VEPH1: variants seen among roughly 807,000 people sequenced by gnomAD.
VEPH1 encodes ventricular zone-expressed PH domain-containing protein homolog 1.
VEPH1 carries 80 observed loss-of-function variants against 85.2 expected under a neutral mutation model. That is an observed-to-expected ratio of 0.94 (90% CI 0.78 to 1.13). The LOEUF (loss-of-function observed/expected upper bound fraction) is 1.13. Ranked by LOEUF, VEPH1 falls within the 50% of genes most tolerant of loss-of-function variation. The probability of loss-of-function intolerance (pLI) is 0.00; values close to 1 mark genes in which losing one functional copy is unlikely to be tolerated. For synonymous variants in VEPH1, 297 were observed against 348.0 expected (o/e 0.85, Z 1.63); for missense variants, 955 against 980.5 (o/e 0.97, Z 0.35).
At chr3:157,442,432 G>A in intron 4 of VEPH1, 1 of 1,614,176 alleles carries the variant, frequency 6.2e-7, no homozygotes, top group Non-Finnish European at 8.5e-7. Context: ...CATCCAGTGA[G>A]ACCAATGAGG....
chr3:157,356,902 G>A (rs956473340), intron 9 of VEPH1, among the ~76,000 whole-genome samples: 1 of 152,138 alleles, frequency 6.6e-6, no homozygotes, highest in African/African-American at 2.4e-5. Flanking sequence ...GCATCCCTTG[G>A]AGTAAAGACA....
At chr3:157,314,348 A>T (rs1203401695) in intron 10 of VEPH1, among the ~76,000 whole-genome samples, 9 of 117,342 alleles carry the variant, frequency 7.7e-5, no homozygotes, top group African/African-American at 2.9e-4. Context: ...AAAAAAAAAA[A>T]AAAAAAAAAA....
Position 157,381,356 on chromosome 3 carries a change from C to T in VEPH1, c.927G>A (p.Leu309=). 1.2e-6 allele frequency: 2 copies of T among 1,614,120 alleles called. No individual in the cohort carries two copies. The highest frequency in any genetic ancestry group is 1.7e-6 in the Non-Finnish European group (2 of 1,180,012). The change falls in exon 7 of 14, where the codon CTG becomes CTA. Residue 309 remains leucine (L), a synonymous_variant. Coordinates refer to ENST00000362010, the MANE Select transcript of VEPH1 (RefSeq NM_001167912.2). ...TGGCCAGTTGGCTCACCAGGTATGT[C>T]AGGCAGCTCCTGGCTCTCTCCTACC... is the stretch of plus-strand genomic sequence containing the variant. ...HVDEERARSC[L]TYLVSQLANM...
chr3:157,451,214 T>C (rs994190522), intron 4 of VEPH1, among the ~76,000 whole-genome samples: 5 of 152,210 alleles, frequency 3.3e-5, no homozygotes, highest in African/African-American at 9.6e-5. Flanking sequence ...ATTGGTATGT[T>C]TTTTAATTTT....
rs1330578596 is a variant in VEPH1 at position 157,293,038 on chromosome 3, G to A, written c.2011-6364C>T. Among the ~76,000 whole-genome samples the A allele has an allele frequency of 2.0e-5, 3 of 151,762 alleles. No individual in the cohort carries two copies. In the East Asian group the frequency reaches 5.8e-4, roughly 29 times the overall value. On this transcript the variant is annotated intron_variant, in intron 11 of 13. Coordinates refer to ENST00000362010, the MANE Select transcript of VEPH1 (RefSeq NM_001167912.2). ...AGTTTCATTTCATATGACAAAACAG[G>A]TAGACTGGTCACAAGAGCAAAGCTT...
chr3:157,373,335 A>C (rs1727721788), intron 7 of VEPH1, among the ~76,000 whole-genome samples: 1 of 152,224 alleles, frequency 6.6e-6, no homozygotes, highest in African/African-American at 2.4e-5. Context: ...TTACAATCTG[A>C]TATCTCTGAA....
intron 10 of VEPH1, among the ~76,000 whole-genome samples, chr3:157,314,391 A>G (rs1027529766): frequency 6.7e-6 from 1 of 150,268 alleles, no homozygotes; most frequent in Non-Finnish European, 1.5e-5. Flanking sequence ...AACATATGAT[A>G]TATTTCAGGA....
chr3:157,287,519 G>T (rs1340334974), intron 11 of VEPH1, among the ~76,000 whole-genome samples: 2 of 152,004 alleles, frequency 1.3e-5, no homozygotes, highest in East Asian at 3.9e-4. Flanking sequence ...TGCAAATTTT[G>T]CATTCTATTA....
rs1724213017 is a variant in VEPH1 at position 157,346,274 on chromosome 3, T to TCC, written c.1735+17089_1735+17090insGG. ...GATAAGATTTCTATTATCAGCAAAATATCTTATAGGAATCAGAAGATCTTA... is the reference window on the plus strand; with the variant it reads ...GATAAGATTTCTATTATCAGCAAAATCCATCTTATAGGAATCAGAAGATCTTA... On this transcript the variant is annotated intron_variant, in intron 9 of 13. Transcript: ENST00000362010. Among the ~76,000 whole-genome samples, 3 of 152,270 alleles carry TCC rather than the reference T, an allele frequency of 2.0e-5. No individual in the cohort carries two copies. In the South Asian group the frequency reaches 6.2e-4, roughly 32 times the overall value.
chr3:157,265,329 A>G (rs1713478729), intron 13 of VEPH1, among the ~76,000 whole-genome samples, 197 bp downstream of exon 13: 1 of 152,214 alleles, frequency 6.6e-6, no homozygotes, highest in Admixed American at 6.5e-5. Context: ...TTCCATAATA[A>G]ACTGGAAGGG....
intron 4 of VEPH1, chr3:157,459,968 A>G: frequency 1.3e-6 from 2 of 1,537,608 alleles, no homozygotes; most frequent in South Asian, 2.4e-5. Flanking sequence ...AATTCTTTTA[A>G]TGAGTCTAAG....
chr3:157,343,335 T>C (rs1723805919), intron 9 of VEPH1, among the ~76,000 whole-genome samples: 1 of 152,082 alleles, frequency 6.6e-6, no homozygotes, highest in Non-Finnish European at 1.5e-5. Flanking sequence ...TAAAAAATGA[T>C]AAAGGGGATA....
chr3:157,400,821 A>T (rs141890045), intron 6 of VEPH1, among the ~76,000 whole-genome samples: 119 of 152,284 alleles, frequency 7.8e-4, no homozygotes, highest in African/African-American at 1.6e-3. Context: ...AATTGATAAA[A>T]GATTTAGAGG....
chr3:157,264,632 G>A lies in VEPH1; in HGVS notation c.2265+894C>T, dbSNP rs141268555. Reference sequence around the variant, plus strand: ...TTCTCACCTTATTAGCTTTATCCTTGGACAATCCAATCAGTTTCTTTGACT... The same window carrying A: ...TTCTCACCTTATTAGCTTTATCCTTAGACAATCCAATCAGTTTCTTTGACT... On this transcript the variant is annotated intron_variant, in intron 13 of 13. Transcript: ENST00000362010. 2.2e-3 allele frequency among the ~76,000 whole-genome samples: 334 copies of A among 152,152 alleles called. 1 individual carries two copies. Among genetic ancestry groups the A allele is most frequent in the African/African-American group, 7.7e-3 (320 of 41,506 alleles).
intron 12 of VEPH1, 60 bp from the exon 13 acceptor site, chr3:157,265,722 T>C: frequency 6.3e-7 from 1 of 1,583,946 alleles, no homozygotes; most frequent in Non-Finnish European, 8.6e-7. Flanking sequence ...AGGTAGGTGA[T>C]CAAAAGTCAG....
intron 9 of VEPH1, among the ~76,000 whole-genome samples, chr3:157,326,617 T>C (rs1054220327): frequency 2.6e-5 from 4 of 152,172 alleles, no homozygotes; most frequent in Non-Finnish European, 5.9e-5. Flanking sequence ...GAATATAGAA[T>C]GGAACAAGTA....
chr3:157,482,204 G>A (rs929295335), intron 2 of VEPH1, among the ~76,000 whole-genome samples: 2 of 137,974 alleles, frequency 1.4e-5, no homozygotes, highest in Non-Finnish European at 3.1e-5. Flanking sequence ...CTAATATTGT[G>A]AAAAATGATG....
intron 9 of VEPH1, among the ~76,000 whole-genome samples, chr3:157,358,780 G>A (rs764832105): frequency 1.3e-5 from 2 of 152,130 alleles, no homozygotes; most frequent in African/African-American, 4.8e-5. Flanking sequence ...GGCGGATCAC[G>A]AGGTCAGGAG....
At chr3:157,462,084 A>T (rs1577714509) in intron 3 of VEPH1, among the ~76,000 whole-genome samples, 1 of 147,818 alleles carries the variant, frequency 6.8e-6, no homozygotes, top group African/African-American at 2.4e-5. Flanking sequence ...AGTATTATTT[A>T]TATATATATA....
Sources: allele counts gnomAD v4.1 joint callset (sites outside exome capture counted in the v4.1 genomes callset), GRCh38; gene constraint gnomAD v4.1.1; transcripts MANE v1.5; gene names NCBI Gene and HGNC (gene_info 2026-07-23, HGNC 2026-07-21).